Variants in PPP1R12A observed in about 807,000 individuals in gnomAD.
PPP1R12A encodes the protein myosin binding subunit.
A neutral mutation model predicts 139.6 loss-of-function variants in PPP1R12A; 19 were observed. That is an observed-to-expected ratio of 0.14 (90% CI 0.09 to 0.20). The LOEUF (loss-of-function observed/expected upper bound fraction) is 0.20, where lower values mean the gene tolerates loss of function less well. Ranked by LOEUF, PPP1R12A falls within the 10% of genes least tolerant of loss-of-function variation. PPP1R12A has a pLI of 1.00. For synonymous variants in PPP1R12A, 427 were observed against 420.6 expected (o/e 1.02, Z -0.19); for missense variants, 925 against 1,211.5 (o/e 0.76, Z 3.51).
At chr12:79,838,850 A>T (rs1878384543) in intron 3 of PPP1R12A, among the ~76,000 whole-genome samples, 1 of 152,224 alleles carries the variant, frequency 6.6e-6, no homozygotes, top group African/African-American at 2.4e-5. Flanking sequence ...CTGCTAGGGC[A>T]GTGTGGAAGG....
chr12:79,850,256 T>C (rs1224231419), intron 2 of PPP1R12A, among the ~76,000 whole-genome samples: 1 of 152,200 alleles, frequency 6.6e-6, no homozygotes, highest in Non-Finnish European at 1.5e-5. Context: ...CCAAAAGGAT[T>C]TTTACAAAAC....
intron 2 of PPP1R12A, among the ~76,000 whole-genome samples, chr12:79,870,939 T>C (rs1882503325): frequency 6.6e-6 from 1 of 152,206 alleles, no homozygotes; most frequent in Admixed American, 6.5e-5. Flanking sequence ...TGGGAAAGGT[T>C]TTCCTCTTTG....
intron 1 of PPP1R12A, among the ~76,000 whole-genome samples, chr12:79,897,763 G>A (rs1000321073): frequency 2.0e-5 from 3 of 152,110 alleles, no homozygotes; most frequent in Non-Finnish European, 4.4e-5. Flanking sequence ...TGTCCTCATT[G>A]TGAATTCCTG....
At chr12:79,848,967 C>G (rs975262436) in intron 2 of PPP1R12A, 1 of 151,702 alleles carries the variant, frequency 6.6e-6, no homozygotes, top group Non-Finnish European at 1.5e-5. Flanking sequence ...GAGTATAATA[C>G]ATTGTAGTTA....
intron 20 of PPP1R12A, among the ~76,000 whole-genome samples, 190 bp downstream of exon 20, chr12:79,790,277 G>A (rs1479099441): frequency 2.0e-5 from 3 of 152,190 alleles, no homozygotes; most frequent in African/African-American, 7.2e-5. Flanking sequence ...AATCTTACTT[G>A]CTCTGACTAG....
intron 22 of PPP1R12A, among the ~76,000 whole-genome samples, chr12:79,783,198 C>CTGTAAA (rs1673810198): frequency 6.7e-6 from 1 of 150,092 alleles, no homozygotes. Flanking sequence ...TGGCTTACAC[C>CTGTAAA]TGTAATTCTA....
intron 1 of PPP1R12A, among the ~76,000 whole-genome samples, chr12:79,908,277 C>T (rs1886288578): frequency 6.6e-6 from 1 of 152,200 alleles, no homozygotes; most frequent in South Asian, 2.1e-4. Context: ...TTCAGATCTT[C>T]AAAGAACACA....
upstream of PPP1R12A, chr12:79,935,369 G>C (rs1888590103): frequency 2.0e-6 from 2 of 999,566 alleles, no homozygotes; most frequent in South Asian, 8.8e-5. Context: ...AGGAGGAAGC[G>C]GGGAAGGAAG....
chr12:79,923,281 T>A (rs936087319), intron 1 of PPP1R12A, among the ~76,000 whole-genome samples: 25 of 151,680 alleles, frequency 1.6e-4, no homozygotes, highest in Admixed American at 7.9e-4. Context: ...CTCAAAAAAA[T>A]AAATAAATAA....
At chr12:79,884,714 T>A (rs1409673581) in intron 1 of PPP1R12A, among the ~76,000 whole-genome samples, 3 of 152,210 alleles carry the variant, frequency 2.0e-5, no homozygotes, top group Admixed American at 6.5e-5. Context: ...TGACATGGTT[T>A]ACCTTCAAGT....
chr12:79,778,732 G>C (rs1431848675), intron 23 of PPP1R12A, 132 bp from the exon 24 acceptor site: 1 of 525,408 alleles, frequency 1.9e-6, no homozygotes, highest in Admixed American at 3.6e-5. Flanking sequence ...TGTGATGCCA[G>C]TGATATGTAA....
chr12:79,796,977 T>C, intron 16 of PPP1R12A, 27 bp from the exon 17 acceptor site: 3 of 1,569,956 alleles, frequency 1.9e-6, no homozygotes, highest in Non-Finnish European at 2.6e-6. Context: ...TCAAAACCCA[T>C]TTGAAACATT....
At chr12:79,780,994 CAATAGCTCCT>C in intron 23 of PPP1R12A, among the ~76,000 whole-genome samples, 1 of 151,754 alleles carries the variant, frequency 6.6e-6, no homozygotes, top group Non-Finnish European at 1.5e-5. Context: ...GTTTTTATAT[CAATAGCTCCT>C]AAGTATTTAC....
chr12:79,822,980 A>C, intron 5 of PPP1R12A, among the ~76,000 whole-genome samples: 1 of 152,244 alleles, frequency 6.6e-6, no homozygotes, highest in South Asian at 2.1e-4. Context: ...CTAAAACTTA[A>C]TTAACTTCTT....
At chr12:79,909,104 G>C (rs1479543705) in intron 1 of PPP1R12A, among the ~76,000 whole-genome samples, 2 of 152,142 alleles carry the variant, frequency 1.3e-5, no homozygotes, top group African/African-American at 4.8e-5. Flanking sequence ...GCGTTTGTGA[G>C]AACACTGTTC....
rs1264012140 is a variant in PPP1R12A, at chr12:79,788,628, T to C, written c.2802+20A>G. 1.9e-6 allele frequency: 3 copies of C among 1,581,636 alleles called. No homozygotes were observed. Among genetic ancestry groups the C allele is most frequent in the Non-Finnish European group, 1.7e-6 (2 of 1,166,906 alleles). On this transcript the variant is annotated intron_variant, in intron 21 of 24. Transcript: ENST00000450142. ...ATAAAAGATAACTTTTTATTAAATA[T>C]AACTAAATAACCCAAGTACCTTTTT...
At chr12:79,823,592 CT>C (rs11310475) in intron 5 of PPP1R12A, among the ~76,000 whole-genome samples, 127,836 of 141,830 alleles carry the variant, frequency 0.9, 57,756 homozygotes, top group Middle Eastern at 0.94. Flanking sequence ...TGAAAGGTAT[CT>C]TTTTTTTTTT....
intron 2 of PPP1R12A, among the ~76,000 whole-genome samples, chr12:79,854,993 A>ATTG (rs1452443093): frequency 1.3e-5 from 2 of 151,746 alleles, no homozygotes; most frequent in Non-Finnish European, 2.9e-5. Context: ...TATTATTATT[A>ATTG]TTATTATTAT....
intron 2 of PPP1R12A, among the ~76,000 whole-genome samples, chr12:79,860,388 C>G (rs779908890): frequency 3.3e-5 from 5 of 152,072 alleles, no homozygotes; most frequent in African/African-American, 1.2e-4. Flanking sequence ...GAGGGACACA[C>G]TGAATAAATG....
Sources: allele counts gnomAD v4.1 joint callset (sites outside exome capture counted in the v4.1 genomes callset), GRCh38; gene constraint gnomAD v4.1.1; transcripts MANE v1.5; gene names NCBI Gene and HGNC (gene_info 2026-07-23, HGNC 2026-07-21).